Variants in FNDC3B observed in about 807,000 individuals in gnomAD.
FNDC3B encodes fibronectin type III domain-containing protein 3B.
FNDC3B carries 12 observed loss-of-function variants against 151.5 expected under a neutral mutation model. That is an observed-to-expected ratio of 0.08 (90% CI 0.05 to 0.13). The LOEUF is 0.13. Ranked by LOEUF, FNDC3B falls within the 10% of genes least tolerant of loss-of-function variation. The pLI, the probability that FNDC3B is intolerant of heterozygous loss-of-function variation, is 1.00. For synonymous variants in FNDC3B, 528 were observed against 549.0 expected, an observed-to-expected ratio of 0.96 and a Z score of 0.54; for missense variants, 1,214 against 1,505.3, an observed-to-expected ratio of 0.81 and a Z score of 3.20.
At chr3:172,127,775 C>G (rs1019245937) in intron 2 of FNDC3B, among the ~76,000 whole-genome samples, 5 of 152,170 alleles carry the variant, frequency 3.3e-5, no homozygotes, top group Non-Finnish European at 1.5e-5. Flanking sequence ...AAGCGATTCT[C>G]ATGCCTCAGC....
chr3:172,197,350 G>T (rs920608500), intron 3 of FNDC3B, among the ~76,000 whole-genome samples: 1 of 152,142 alleles, frequency 6.6e-6, no homozygotes, highest in Non-Finnish European at 1.5e-5. Context: ...CAGAGAACAT[G>T]TTTTTTCTGA....
intron 3 of FNDC3B, among the ~76,000 whole-genome samples, chr3:172,194,791 G>A (rs1239898541): frequency 6.6e-6 from 1 of 152,186 alleles, no homozygotes; most frequent in African/African-American, 2.4e-5. Flanking sequence ...TACATTTAAT[G>A]AGTTTAAATT....
chr3:172,127,645 CT>C (rs984402959), intron 2 of FNDC3B, among the ~76,000 whole-genome samples: 2 of 152,048 alleles, frequency 1.3e-5, no homozygotes, highest in East Asian at 3.9e-4. Context: ...GAGGATACAG[CT>C]TTTTTTTAAA....
At chr3:172,111,563 A>C (rs1719968372) in intron 1 of FNDC3B, among the ~76,000 whole-genome samples, 1 of 152,218 alleles carries the variant, frequency 6.6e-6, no homozygotes. Context: ...AAAAAAGTTT[A>C]TAATCTCTTG....
chr3:172,176,262 G>A (rs1414381372), intron 3 of FNDC3B, among the ~76,000 whole-genome samples: 1 of 152,170 alleles, frequency 6.6e-6, no homozygotes, highest in Non-Finnish European at 1.5e-5. Flanking sequence ...GCCCAAATGA[G>A]ATTACAACCA....
At chr3:172,131,969 G>C (rs528378851) in intron 2 of FNDC3B, among the ~76,000 whole-genome samples, 30 of 152,162 alleles carry the variant, frequency 2.0e-4, no homozygotes, top group Non-Finnish European at 3.7e-4. Context: ...CTAGATAGCT[G>C]GATGTTATCC....
chr3:172,256,072 G>A (rs967179043), intron 6 of FNDC3B, among the ~76,000 whole-genome samples: 25 of 152,120 alleles, frequency 1.6e-4, no homozygotes, highest in African/African-American at 6.0e-4. Flanking sequence ...AACCTTTGTG[G>A]TGCTCCCCAC....
At chr3:172,048,101 T>C (rs973678716) in intron 1 of FNDC3B, among the ~76,000 whole-genome samples, 1 of 152,190 alleles carries the variant, frequency 6.6e-6, no homozygotes, top group Non-Finnish European at 1.5e-5. Context: ...TAAGTTTCTT[T>C]TAAAAGATTT....
intron 7 of FNDC3B, among the ~76,000 whole-genome samples, chr3:172,286,764 G>C (rs1002755230): frequency 6.6e-6 from 1 of 152,130 alleles, no homozygotes; most frequent in African/African-American, 2.4e-5. Flanking sequence ...ACTTACTCTG[G>C]TGAGGAGCAG....
chr3:172,332,128 G>T (rs185410876), intron 13 of FNDC3B, among the ~76,000 whole-genome samples: 6 of 152,146 alleles, frequency 3.9e-5, no homozygotes, highest in Non-Finnish European at 7.4e-5. Context: ...GCAGCTCCAC[G>T]CCTGGCTAAT....
At chr3:172,059,203 A>G (rs1289584041) in intron 1 of FNDC3B, among the ~76,000 whole-genome samples, 1 of 152,192 alleles carries the variant, frequency 6.6e-6, no homozygotes, top group Non-Finnish European at 1.5e-5. Flanking sequence ...TGATGATAGC[A>G]CGTAACATAA....
chr3:172,366,706 G>A (rs1576950608), intron 23 of FNDC3B, among the ~76,000 whole-genome samples: 1 of 152,054 alleles, frequency 6.6e-6, no homozygotes, highest in African/African-American at 2.4e-5. Context: ...GGTATAGAGG[G>A]AAAATTGAAG....
At position 172,112,540 on chromosome 3, in the gene FNDC3B, G is replaced by A. The variant is rs759315113; in HGVS notation, c.61G>A (p.Gly21Arg). The change falls in exon 2 of 26, where the codon GGA becomes AGA. Residue 21 changes from glycine to arginine, a missense_variant. Gly to Arg is a moderately radical substitution (Grantham distance 125, BLOSUM62 -2). Transcript: ENST00000415807. ...TCTGGAACTGCCACCATTGCTGAAC[G>A]GAGAGGTAGCCATGATGCCCCACTT... ...IPLELPPLLN[G>R]EVAMMPHLVN... 17 of 1,614,146 alleles carry A rather than the reference G, an allele frequency of 1.1e-5. No individual in the cohort carries two copies. The highest frequency in any genetic ancestry group is 1.7e-4 in the Middle Eastern group (1 of 6,060).
intron 4 of FNDC3B, among the ~76,000 whole-genome samples, chr3:172,243,916 A>G (rs2108765769): frequency 6.6e-6 from 1 of 152,352 alleles, no homozygotes; most frequent in East Asian, 1.9e-4. Context: ...AGAACCCGGC[A>G]TAATGATCTT....
At chr3:172,367,717 G>A (rs188699997) in intron 23 of FNDC3B, among the ~76,000 whole-genome samples, 1 of 152,322 alleles carries the variant, frequency 6.6e-6, no homozygotes, top group African/African-American at 2.4e-5. Context: ...ACCCCTGTGG[G>A]TCTGTGTTCC....
intron 3 of FNDC3B, among the ~76,000 whole-genome samples, chr3:172,202,067 A>G (rs1725183566): frequency 6.6e-6 from 1 of 152,212 alleles, no homozygotes; most frequent in East Asian, 1.9e-4. Flanking sequence ...AGTGCATGAA[A>G]TTTTGAGCTC....
At chr3:172,202,351 G>A (rs1357624045) in intron 3 of FNDC3B, among the ~76,000 whole-genome samples, 1 of 152,186 alleles carries the variant, frequency 6.6e-6, no homozygotes, top group Non-Finnish European at 1.5e-5. Flanking sequence ...GGTTGTATTT[G>A]TGCATGTAGA....
chr3:172,389,591 G>A (rs551173189), intron 25 of FNDC3B, among the ~76,000 whole-genome samples: 1 of 152,202 alleles, frequency 6.6e-6, no homozygotes, highest in East Asian at 1.9e-4. Context: ...CGTGTGGGGG[G>A]GTGGCTCACG....
At chr3:172,293,605 G>A (rs1328151450) in intron 7 of FNDC3B, among the ~76,000 whole-genome samples, 1 of 152,192 alleles carries the variant, frequency 6.6e-6, no homozygotes, top group Non-Finnish European at 1.5e-5. Flanking sequence ...TATCCACAAG[G>A]TTCTGTAGAA....
Sources: allele counts gnomAD v4.1 joint callset (sites outside exome capture counted in the v4.1 genomes callset), GRCh38; gene constraint gnomAD v4.1.1; transcripts MANE v1.5; gene names NCBI Gene and HGNC (gene_info 2026-07-23, HGNC 2026-07-21).